The following SGCZ variants were observed in gnomAD, a reference collection of about 807,000 sequenced individuals.
The protein encoded by SGCZ is sarcoglycan zeta, also known as zeta-sarcoglycan.
Under a neutral mutation model 41.3 loss-of-function variants are expected in SGCZ, and 40 were observed. The ratio of observed to expected loss-of-function variants is 0.97; its 90% CI spans 0.75 to 1.26. SGCZ has a LOEUF of 1.26. Ranked by LOEUF, SGCZ falls within the 50% of genes most tolerant of loss-of-function variation. SGCZ has a pLI of 0.00. For synonymous variants in SGCZ, 206 were observed against 137.5 expected, an observed-to-expected ratio of 1.50 and a Z score of -3.49; for missense variants, 552 against 369.8, an observed-to-expected ratio of 1.49 and a Z score of -4.04.
intron 2 of SGCZ, among the ~76,000 whole-genome samples, chr8:14,534,769 T>A (rs775163249): frequency 6.6e-6 from 1 of 152,016 alleles, no homozygotes; most frequent in Non-Finnish European, 1.5e-5. Flanking sequence ...TCTTTTTCAA[T>A]ATCTGATGCA....
intron 1 of SGCZ, among the ~76,000 whole-genome samples, chr8:14,951,810 C>G (rs1800650601): frequency 6.6e-6 from 1 of 152,002 alleles, no homozygotes; most frequent in Admixed American, 6.6e-5. Flanking sequence ...TTATTAAACC[C>G]ATAAATTAGT....
chr8:14,696,474 A>T (rs1011642802), intron 1 of SGCZ, among the ~76,000 whole-genome samples: 2 of 152,156 alleles, frequency 1.3e-5, no homozygotes, highest in African/African-American at 4.8e-5. Context: ...CATCCATGGA[A>T]AAATAATTGC....
intron 1 of SGCZ, among the ~76,000 whole-genome samples, chr8:15,236,167 G>T (rs1802112449): frequency 6.6e-6 from 1 of 152,180 alleles, no homozygotes; most frequent in African/African-American, 2.4e-5. Context: ...TCTTCTCACT[G>T]TCCTCCCTCC....
intron 1 of SGCZ, among the ~76,000 whole-genome samples, chr8:14,861,538 C>T (rs893818586): frequency 1.3e-5 from 2 of 152,014 alleles, no homozygotes; most frequent in African/African-American, 4.8e-5. Context: ...ACATAAAGAA[C>T]AGTAAAATTC....
intron 4 of SGCZ, among the ~76,000 whole-genome samples, chr8:14,177,957 T>TC (rs201299687): frequency 0.056 from 4,356 of 78,316 alleles, 120 homozygotes; most frequent in African/African-American, 0.12. Context: ...TCTTTTTTTT[T>TC]CTTTTTTTTT....
chr8:14,551,673 G>A (rs1208352935), intron 2 of SGCZ, among the ~76,000 whole-genome samples: 103 of 69,312 alleles, frequency 1.5e-3, no homozygotes, highest in Non-Finnish European at 2.8e-3. Flanking sequence ...ATGTATGTAT[G>A]TATCTGCTCT....
At chr8:14,897,194 T>A (rs1474044032) in intron 1 of SGCZ, among the ~76,000 whole-genome samples, 1 of 152,186 alleles carries the variant, frequency 6.6e-6, no homozygotes, top group Non-Finnish European at 1.5e-5. Context: ...CATGTAAAGG[T>A]ATTTTAATTA....
intron 2 of SGCZ, among the ~76,000 whole-genome samples, chr8:14,348,343 C>T (rs536780126): frequency 6.6e-6 from 1 of 152,204 alleles, no homozygotes; most frequent in South Asian, 2.1e-4. Context: ...ATAAAAGTTA[C>T]CTTCCTTTCA....
intron 2 of SGCZ, among the ~76,000 whole-genome samples, chr8:14,457,437 G>T (rs1238070090): frequency 1.3e-5 from 2 of 152,132 alleles, no homozygotes; most frequent in Middle Eastern, 3.2e-3. Flanking sequence ...GAAAAGAGGG[G>T]GTCTCCCTTT....
chr8:15,082,946 G>T (rs555492338), intron 1 of SGCZ, among the ~76,000 whole-genome samples: 5 of 151,984 alleles, frequency 3.3e-5, no homozygotes, highest in Admixed American at 6.6e-5. Flanking sequence ...CTAAACTGCA[G>T]ATCAAAGCAC....
At chr8:14,556,296 T>A (rs1197379814) in intron 1 of SGCZ, among the ~76,000 whole-genome samples, 1 of 151,736 alleles carries the variant, frequency 6.6e-6, no homozygotes, top group South Asian at 2.1e-4. Flanking sequence ...GAATCTAACA[T>A]AAATACTTCT....
intron 2 of SGCZ, among the ~76,000 whole-genome samples, chr8:14,421,623 C>T (rs946306309): frequency 6.6e-6 from 1 of 152,028 alleles, no homozygotes; most frequent in Non-Finnish European, 1.5e-5. Context: ...CATATAGAAC[C>T]ACAGATGTGG....
At chr8:14,636,169 G>A (rs1423103995) in intron 1 of SGCZ, among the ~76,000 whole-genome samples, 1 of 151,584 alleles carries the variant, frequency 6.6e-6, no homozygotes, top group African/African-American at 2.4e-5. Flanking sequence ...GAGGATGAGA[G>A]GAAATATACT....
intron 1 of SGCZ, among the ~76,000 whole-genome samples, chr8:14,659,269 C>T (rs773215098): frequency 3.3e-5 from 5 of 152,072 alleles, no homozygotes; most frequent in East Asian, 1.9e-4. Flanking sequence ...ATGATAAATG[C>T]TTAAAGTGCT....
chr8:14,381,052 T>A (rs1160452446), intron 2 of SGCZ, among the ~76,000 whole-genome samples: 1 of 152,198 alleles, frequency 6.6e-6, no homozygotes, highest in Non-Finnish European at 1.5e-5. Context: ...CTGACTCACA[T>A]TATCTTTTCA....
intron 7 of SGCZ, among the ~76,000 whole-genome samples, chr8:14,095,843 G>A (rs768925224): frequency 2.0e-5 from 3 of 151,992 alleles, no homozygotes; most frequent in East Asian, 1.9e-4. Context: ...TTATTCCTAC[G>A]TATTTCATTC....
intron 1 of SGCZ, among the ~76,000 whole-genome samples, chr8:14,727,240 T>C (rs1478598036): frequency 3.9e-5 from 6 of 152,166 alleles, no homozygotes; most frequent in African/African-American, 1.4e-4. Flanking sequence ...ACATCTTTAC[T>C]CAACAGGATT....
intron 1 of SGCZ, among the ~76,000 whole-genome samples, chr8:15,149,947 G>C (rs1005042082): frequency 6.6e-6 from 1 of 152,162 alleles, no homozygotes; most frequent in Non-Finnish European, 1.5e-5. Flanking sequence ...AAGGAGTACA[G>C]TGTAGTCATT....
chr8:15,189,506 C>T (rs926132980), intron 1 of SGCZ, among the ~76,000 whole-genome samples: 6 of 152,086 alleles, frequency 3.9e-5, no homozygotes, highest in Admixed American at 2.0e-4. Flanking sequence ...TTTCTCATCA[C>T]GCTCAAGGGA....
Sources: gnomAD v4.1 joint callset for allele counts (sites outside exome capture counted in the v4.1 genomes callset) on GRCh38, gnomAD v4.1.1 for gene constraint, MANE v1.5 for transcripts, NCBI Gene and HGNC (gene_info 2026-07-23, HGNC 2026-07-21) for gene names.